The following NUDT7 variants were observed in gnomAD, a reference collection of about 807,000 sequenced individuals.
NUDT7 encodes nudix hydrolase 7.
A neutral mutation model predicts 13.1 loss-of-function variants in NUDT7; 19 were observed. That is an observed-to-expected ratio of 1.45 (90% CI 1.01 to 2.13). The LOEUF (loss-of-function observed/expected upper bound fraction) is 2.13. Ranked by LOEUF, NUDT7 falls within the 30% of genes most tolerant of loss-of-function variation. The pLI, the probability that NUDT7 is intolerant of heterozygous loss-of-function variation, is 0.00. For missense variants in NUDT7, 360 were observed against 291.7 expected (o/e 1.23, Z -1.71); for synonymous variants, 132 against 109.7 (o/e 1.20, Z -1.27).
intron 3 of NUDT7, among the ~76,000 whole-genome samples, chr16:77,739,317 T>G (rs1039796696): frequency 2.6e-5 from 4 of 152,180 alleles, no homozygotes; most frequent in African/African-American, 9.6e-5. Flanking sequence ...GATCATATGC[T>G]AAACAAGGGG....
intron 2 of NUDT7, among the ~76,000 whole-genome samples, chr16:77,727,135 G>C (rs183192849): frequency 6.6e-6 from 1 of 152,036 alleles, no homozygotes; most frequent in Non-Finnish European, 1.5e-5. Context: ...TCCAACACTG[G>C]GGACTCCAGT....
At chr16:77,729,190 T>C (rs973725170) in intron 2 of NUDT7, among the ~76,000 whole-genome samples, 1 of 152,192 alleles carries the variant, frequency 6.6e-6, no homozygotes, top group Non-Finnish European at 1.5e-5. Context: ...GTTTTAGAAA[T>C]GTGCCTGTTT....
Position 77,741,775 on chromosome 16 carries a change from A to G in NUDT7, c.542A>G (p.Glu181Gly), listed in dbSNP as rs16946429. Residue 181 changes from glutamate (E) to glycine (G), a missense_variant, in exon 4 of 4, where the codon GAA becomes GGA. Glu to Gly is a moderately conservative substitution (Grantham distance 98). Transcript: ENST00000268533. ...CATATCTTTGAGTACACAAACCCTG[A>G]AGACGGTGTCACTTACCAGATCAAG... ...INHIFEYTNP[E>G]DGVTYQIKGM... is the part of the protein sequence containing the mutation. 0.06 allele frequency: 97,631 copies of G among 1,614,060 alleles called. 3,298 individuals carry two copies. Among genetic ancestry groups the G allele is most frequent in the East Asian group, 0.14 (6,474 of 44,860 alleles).
intron 3 of NUDT7, among the ~76,000 whole-genome samples, chr16:77,739,739 T>C (rs2966036): frequency 0.18 from 28,091 of 152,020 alleles, 2,810 homozygotes; most frequent in South Asian, 0.28. Flanking sequence ...AGCTTTCTTC[T>C]GAATACTGGT....
At chr16:77,736,729 G>T in intron 3 of NUDT7, 1 of 254,314 alleles carries the variant, frequency 3.9e-6, no homozygotes, top group Non-Finnish European at 8.4e-6. Context: ...GCCTCCCAAA[G>T]TGCTGGGATT....
intron 3 of NUDT7, among the ~76,000 whole-genome samples, chr16:77,740,226 C>T (rs2014617272): frequency 6.6e-6 from 1 of 152,172 alleles, no homozygotes; most frequent in Non-Finnish European, 1.5e-5. Context: ...TGTTGACTTT[C>T]ACTATTATTT....
chr16:77,735,895 C>G lies in NUDT7; in HGVS notation c.257C>G (p.Ala86Gly), dbSNP rs781675114. The change falls in exon 3 of 4, where the codon GCA (alanine) becomes GGA (glycine). Residue 86 changes from alanine to glycine, a missense_variant. Ala to Gly is a moderately conservative substitution (Grantham distance 60). Transcript: ENST00000268533. ...CGTGACCCTACAGACATGGATGATG[C>G]AGCCACAGCTCTCCGGGAAGCCCAG... is the stretch of plus-strand genomic sequence containing the variant. ...GKRDPTDMDD[A>G]ATALREAQEE... 2 of 1,613,770 alleles carry G rather than the reference C, an allele frequency of 1.2e-6. No individual in the cohort carries two copies. The highest frequency in any genetic ancestry group is 1.1e-5 in the South Asian group (1 of 91,070).
chr16:77,728,189 C>A (rs1230794486), intron 2 of NUDT7, among the ~76,000 whole-genome samples: 1 of 152,070 alleles, frequency 6.6e-6, no homozygotes, highest in Non-Finnish European at 1.5e-5. Context: ...AGTGGGTTAA[C>A]CCTTCTCAAA....
intron 2 of NUDT7, among the ~76,000 whole-genome samples, chr16:77,734,157 TA>T (rs1169472924): frequency 6.6e-6 from 1 of 152,174 alleles, no homozygotes; most frequent in East Asian, 1.9e-4. Context: ...CCAGGGCCTA[TA>T]TTTTTTGTGT....
At chr16:77,735,039 C>A (rs1279112073) in intron 2 of NUDT7, among the ~76,000 whole-genome samples, 1 of 152,056 alleles carries the variant, frequency 6.6e-6, no homozygotes, top group African/African-American at 2.4e-5. Context: ...GTTCTGAGGA[C>A]CCAGTGGGAA....
chr16:77,735,434 T>C lies in NUDT7; in HGVS notation c.190-394T>C, dbSNP rs1312148365. 4.9e-5 allele frequency: 32 copies of C among 653,400 alleles called. No homozygotes were observed. In the East Asian group the frequency reaches 7.4e-4, roughly 15 times the overall value. The allele number at this position is 653,400 out of a possible 1,614,324, so 40.5% of individuals were successfully genotyped here. A position where few individuals can be genotyped will look rare whatever the true frequency, so the allele number is the denominator to read the frequency against. On this transcript the variant is annotated intron_variant, in intron 2 of 3. Coordinates refer to ENST00000268533, the MANE Select transcript of NUDT7 (RefSeq NM_001105663.3). ...GCTCCTCCTTTACCTTCCGCCATGA[T>C]TGTAAGTTTCCTGAGGTCTCCCCAG...
chr16:77,741,022 G>A (rs75165142), intron 3 of NUDT7, among the ~76,000 whole-genome samples: 19,540 of 152,112 alleles, frequency 0.13, 1,409 homozygotes, highest in African/African-American at 0.19. Flanking sequence ...GTCATAACTA[G>A]TATTATATCA....
At chr16:77,740,590 C>A (rs192630076) in intron 3 of NUDT7, among the ~76,000 whole-genome samples, 3 of 152,284 alleles carry the variant, frequency 2.0e-5, no homozygotes, top group Admixed American at 2.0e-4. Context: ...GTCACCCAGG[C>A]TGGAGTGCAG....
chr16:77,732,020 A>G (rs2014333439), intron 2 of NUDT7, among the ~76,000 whole-genome samples: 1 of 152,170 alleles, frequency 6.6e-6, no homozygotes, highest in South Asian at 2.1e-4. Context: ...AGCTACAGTT[A>G]ATTTATTATT....
chr16:77,727,177 G>A (rs764189435), intron 2 of NUDT7, among the ~76,000 whole-genome samples: 7 of 152,098 alleles, frequency 4.6e-5, no homozygotes, highest in Non-Finnish European at 8.8e-5. Context: ...GACAAATATC[G>A]AAACTCTACC....
intron 2 of NUDT7, among the ~76,000 whole-genome samples, chr16:77,727,922 T>C (rs1386109782): frequency 2.6e-5 from 4 of 152,098 alleles, no homozygotes; most frequent in African/African-American, 4.8e-5. Context: ...AACAATAATA[T>C]AGGAAATCTA....
intron 2 of NUDT7, among the ~76,000 whole-genome samples, chr16:77,735,239 C>T (rs79304926): frequency 6.6e-6 from 1 of 152,038 alleles, no homozygotes; most frequent in African/African-American, 2.4e-5. Context: ...TCGTAAACCC[C>T]AATATTGGAC....
At position 77,722,703 on chromosome 16, in the gene NUDT7, G is replaced by C. The variant is rs1315882407; in HGVS notation, c.35+86G>C. On this transcript the variant is annotated intron_variant, in intron 1 of 3. Transcript: ENST00000268533. ...GAGGCCACCGGGGCCTTTTGGCCGG[G>C]ACTGATTTTGCAGCTCCCGCCAGTC... 8 of 1,371,700 alleles carry C rather than the reference G, an allele frequency of 5.8e-6. No individual in the cohort carries two copies. In the South Asian group the frequency reaches 8.7e-5, roughly 15 times the overall value. 85.0% of individuals were successfully genotyped at this position (1,371,700 alleles called of 1,614,324 possible). A position where few individuals can be genotyped will look rare whatever the true frequency, so the allele number is the denominator to read the frequency against.
rs190048860 is a variant in NUDT7 at position 77,740,179 on chromosome 16, C to T, written c.349-1403C>T. 1.5e-3 allele frequency among the ~76,000 whole-genome samples: 223 copies of T among 152,256 alleles called. 1 individual carries two copies. The highest frequency in any genetic ancestry group is 4.8e-3 in the African/African-American group (198 of 41,530). ...CCAAATTTCCTGCCCCAAGGACATA[C>T]GAAGTCTATGTTCCTCTTGTCTCCT... On this transcript the variant is annotated intron_variant, in intron 3 of 3. Coordinates refer to ENST00000268533, the MANE Select transcript of NUDT7 (RefSeq NM_001105663.3).
Sources: allele counts gnomAD v4.1 joint callset (sites outside exome capture counted in the v4.1 genomes callset), GRCh38; gene constraint gnomAD v4.1.1; transcripts MANE v1.5; gene names NCBI Gene and HGNC (gene_info 2026-07-23, HGNC 2026-07-21).